Variants in XPR1 observed in about 807,000 individuals in gnomAD.
The protein encoded by XPR1 is xenotropic and polytropic retrovirus receptor 1.
Under a neutral mutation model 87.5 loss-of-function variants are expected in XPR1, and 28 were observed. The ratio of observed to expected loss-of-function variants is 0.32; its 90% confidence interval spans 0.24 to 0.44. The LOEUF is 0.44. XPR1 is among the 20% of genes least tolerant of loss of function. XPR1 has a pLI of 1.00. For missense variants in XPR1, 559 were observed against 862.3 expected (o/e 0.65, Z 4.41); for synonymous variants, 300 against 306.1 (o/e 0.98, Z 0.21).
chr1:180,779,476 TG>T (rs1648853797), intron 2 of XPR1, among the ~76,000 whole-genome samples: 1 of 152,160 alleles, frequency 6.6e-6, no homozygotes, highest in South Asian at 2.1e-4. Context: ...AATTCAAGGC[TG>T]GGCATGGTGG....
At chr1:180,824,238 T>C (rs572513995) in intron 7 of XPR1, among the ~76,000 whole-genome samples, 1 of 152,208 alleles carries the variant, frequency 6.6e-6, no homozygotes, top group East Asian at 1.9e-4. Flanking sequence ...TTCTGCAGAG[T>C]AAAATGAAGA....
intron 2 of XPR1, among the ~76,000 whole-genome samples, chr1:180,740,424 TG>T (rs60108941): frequency 0.015 from 2,278 of 151,686 alleles, 67 homozygotes; most frequent in African/African-American, 0.051. Flanking sequence ...CATATGACCA[TG>T]TTTTTTTTTT....
rs191726519 is a variant in XPR1, at chr1:180,844,244, A to T, written c.1501+7528A>T. ...AGAAATGGTTGAAAATTTTTTATAC[A>T]GGAGTTTGTCTAATTGAAGAGAAAT... On this transcript the variant is annotated intron_variant, in intron 11 of 14. Coordinates refer to ENST00000367590, the MANE Select transcript of XPR1 (RefSeq NM_004736.4). 5.3e-4 allele frequency among the ~76,000 whole-genome samples: 80 copies of T among 152,314 alleles called. 1 individual carries two copies. Among genetic ancestry groups the T allele is most frequent in the African/African-American group, 1.8e-3 (75 of 41,578 alleles).
chr1:180,730,437 A>AT (rs1349868652), intron 2 of XPR1, among the ~76,000 whole-genome samples: 40 of 152,208 alleles, frequency 2.6e-4, no homozygotes, highest in Non-Finnish European at 5.7e-4. Context: ...GAAACTGTGT[A>AT]TTCTACACAT....
intron 13 of XPR1, among the ~76,000 whole-genome samples, chr1:180,878,451 C>T (rs762542005): frequency 6.4e-4 from 98 of 152,274 alleles, no homozygotes; most frequent in Middle Eastern, 3.4e-3. Flanking sequence ...CAAACTAAAC[C>T]ACTTTTGTTA....
At chr1:180,656,956 A>G (rs951223083) in intron 1 of XPR1, among the ~76,000 whole-genome samples, 3 of 151,832 alleles carry the variant, frequency 2.0e-5, no homozygotes, top group South Asian at 2.1e-4. Context: ...ATTCCCACCA[A>G]TAGCGTTTGA....
chr1:180,759,829 C>T (rs1463826217), intron 2 of XPR1, among the ~76,000 whole-genome samples: 1 of 152,082 alleles, frequency 6.6e-6, no homozygotes, highest in Non-Finnish European at 1.5e-5. Context: ...GAATTTAGAC[C>T]AATATCCTTC....
chr1:180,858,014 T>A (rs191565758), intron 11 of XPR1, among the ~76,000 whole-genome samples: 2 of 152,140 alleles, frequency 1.3e-5, no homozygotes, highest in East Asian at 3.9e-4. Flanking sequence ...GTTGGGAGTT[T>A]GAGACCAGCC....
At chr1:180,806,363 A>G (rs887533286) in intron 5 of XPR1, 111 bp from the exon 6 acceptor site, 4 of 1,465,602 alleles carry the variant, frequency 2.7e-6, no homozygotes, top group Non-Finnish European at 2.8e-6. Context: ...TTATCAGTAT[A>G]TATTCACCAA....
chr1:180,758,146 CAT>C (rs1647833068), intron 2 of XPR1, among the ~76,000 whole-genome samples: 1 of 150,862 alleles, frequency 6.6e-6, no homozygotes, highest in East Asian at 1.9e-4. Flanking sequence ...CACACACACA[CAT>C]TATTCAGCCA....
chr1:180,638,315 A>C (rs550578732), intron 1 of XPR1, among the ~76,000 whole-genome samples: 32 of 152,332 alleles, frequency 2.1e-4, no homozygotes, highest in African/African-American at 7.5e-4. Flanking sequence ...TTGGAGATAC[A>C]TAATAAAACT....
In XPR1 at chr1:180,790,485, A is replaced by C. The variant is rs549199555; in HGVS notation, c.223+2631A>C. Among the ~76,000 whole-genome samples, 470 of 152,204 alleles carry C rather than the reference A, an allele frequency of 3.1e-3. 1 individual carries two copies. The highest frequency in any genetic ancestry group is 0.011 in the African/African-American group (444 of 41,456). On this transcript the variant is annotated intron_variant, in intron 3 of 14. Transcript: ENST00000367590. The stretch of plus-strand genomic sequence containing the variant: ...AGCAAGAGCCATGAAAGAACATGGC[A>C]TATATGCATGTCTCTTTCACCAGGA...
rs1571810338 is a variant in XPR1 at position 180,761,470 on chromosome 1, A to G, written c.122-26283A>G. 3.3e-5 allele frequency among the ~76,000 whole-genome samples: 5 copies of G among 152,254 alleles called. No homozygotes were observed. The South Asian group carries it at 1.0e-3, about 31-fold the overall frequency. ...CAAAAAGTGGGCGAAGGATATGAACAGACACTTCTCAAAAGAAGACATTTA... is the reference window on the plus strand; with the variant it reads ...CAAAAAGTGGGCGAAGGATATGAACGGACACTTCTCAAAAGAAGACATTTA... On this transcript the variant is annotated intron_variant, in intron 2 of 14. Coordinates refer to ENST00000367590, the MANE Select transcript of XPR1 (RefSeq NM_004736.4).
At chr1:180,710,515 G>A (rs1022295039) in intron 2 of XPR1, among the ~76,000 whole-genome samples, 1 of 152,132 alleles carries the variant, frequency 6.6e-6, no homozygotes, top group Admixed American at 6.5e-5. Context: ...CACCGGGTTG[G>A]GGGTAAGGTC....
intron 2 of XPR1, among the ~76,000 whole-genome samples, chr1:180,711,500 G>A (rs1277120006): frequency 6.6e-6 from 1 of 152,174 alleles, no homozygotes; most frequent in African/African-American, 2.4e-5. Flanking sequence ...TGCAATTGCA[G>A]GCACTCGGCA....
chr1:180,794,534 C>T (rs182126446), intron 3 of XPR1, among the ~76,000 whole-genome samples: 45 of 152,262 alleles, frequency 3.0e-4, no homozygotes, highest in Non-Finnish European at 5.0e-4. Context: ...TGCAATATGA[C>T]ATTTAGTATT....
chr1:180,686,526 A>G (rs957745879), intron 2 of XPR1, among the ~76,000 whole-genome samples: 19 of 152,218 alleles, frequency 1.2e-4, no homozygotes, highest in African/African-American at 4.3e-4. Context: ...GCTGAGTTCA[A>G]TTCCTGGGTA....
At chr1:180,674,546 A>G (rs1292987863) in intron 1 of XPR1, among the ~76,000 whole-genome samples, 1 of 150,126 alleles carries the variant, frequency 6.7e-6, no homozygotes, top group Non-Finnish European at 1.5e-5. Flanking sequence ...GGCGTGAGCC[A>G]CTGCACCCAG....
chr1:180,722,836 T>A (rs1476024473), intron 2 of XPR1, among the ~76,000 whole-genome samples: 3 of 152,224 alleles, frequency 2.0e-5, no homozygotes, highest in African/African-American at 7.2e-5. Flanking sequence ...ACAGGTGGTA[T>A]GTTTACACAG....
Sources: gnomAD v4.1 joint callset for allele counts (sites outside exome capture counted in the v4.1 genomes callset) on GRCh38, gnomAD v4.1.1 for gene constraint, MANE v1.5 for transcripts, NCBI Gene and HGNC (gene_info 2026-07-23, HGNC 2026-07-21) for gene names.